Variants in PCDHGA1 observed in about 807,000 individuals in gnomAD.
PCDHGA1 encodes the protein protocadherin gamma subfamily A, 1.
PCDHGA1 carries 32 observed loss-of-function variants against 58.0 expected under a neutral mutation model. That is an observed-to-expected ratio of 0.55 (90% CI 0.42 to 0.74). PCDHGA1 has a LOEUF of 0.74. PCDHGA1 is among the 30% of genes least tolerant of loss of function. PCDHGA1 has a pLI of 0.00. For synonymous variants in PCDHGA1, 498 were observed against 501.1 expected (o/e 0.99, Z 0.08); for missense variants, 1,205 against 1,182.3 (o/e 1.02, Z -0.28).
intron 1 of PCDHGA1, among the ~76,000 whole-genome samples, chr5:141,470,417 T>A (rs1482173610): frequency 6.6e-6 from 1 of 152,226 alleles, no homozygotes; most frequent in East Asian, 1.9e-4. Context: ...ATTTTATGTA[T>A]TTTTTCCTTG....
intron 1 of PCDHGA1, chr5:141,475,890 G>C: frequency 1.8e-6 from 1 of 565,896 alleles, no homozygotes; most frequent in South Asian, 2.3e-5. Flanking sequence ...CTGGGACTCT[G>C]TGTGCCGCTG....
At position 141,384,265 on chromosome 5, in the gene PCDHGA1, T is replaced by C. The variant is rs553615154; in HGVS notation, c.2421+51160T>C. 81 of 1,613,814 alleles carry C rather than the reference T, an allele frequency of 5.0e-5. No individual in the cohort carries two copies. In the South Asian group the frequency reaches 7.4e-4, roughly 15 times the overall value. Reference sequence around the variant, plus strand: ...TAACCCACCCACCTTCCCCCACTCATCCTACTCAGTCTACATCGCTGAGAA... The same window carrying C: ...TAACCCACCCACCTTCCCCCACTCACCCTACTCAGTCTACATCGCTGAGAA... On this transcript the variant is annotated intron_variant, in intron 1 of 3. Coordinates refer to ENST00000517417, the MANE Select transcript of PCDHGA1 (RefSeq NM_018912.3).
At chr5:141,404,326 A>G in intron 1 of PCDHGA1, 2 of 1,613,904 alleles carry the variant, frequency 1.2e-6, no homozygotes, top group Non-Finnish European at 1.7e-6. Context: ...CCTCCTACTC[A>G]GTCTACCTCC....
Position 141,476,745 on chromosome 5 carries a change from T to C in PCDHGA1, c.2422-18062T>C, listed in dbSNP as rs1372622323. 6.2e-7 allele frequency: 1 copy of C among 1,613,958 alleles called. No individual in the cohort carries two copies. On this transcript the variant is annotated intron_variant, in intron 1 of 3. Coordinates refer to ENST00000517417, the MANE Select transcript of PCDHGA1 (RefSeq NM_018912.3). This position sits in a 1 kb window ranked among gnomAD's most constrained non-coding sequence, Gnocchi z 7.6. The stretch of plus-strand genomic sequence containing the variant: ...CTGGACCGAGAACGGGAGCCTAGTC[T>C]CCAGTTAGTGCTGACGGCGTTGGAC...
At chr5:141,448,748 G>A (rs1476665217) in intron 1 of PCDHGA1, among the ~76,000 whole-genome samples, 1 of 151,980 alleles carries the variant, frequency 6.6e-6, no homozygotes, top group Admixed American at 6.6e-5. Context: ...AGACCATCCT[G>A]GCTAACACGG....
At chr5:141,346,594 C>T in intron 1 of PCDHGA1, 1 of 1,309,508 alleles carries the variant, frequency 7.6e-7, no homozygotes, top group Non-Finnish European at 1.0e-6. Context: ...GTCCCCCTTT[C>T]TTTCTGGGCC....
intron 1 of PCDHGA1, chr5:141,365,905 G>A (rs539434078): frequency 1.2e-6 from 2 of 1,614,190 alleles, no homozygotes; most frequent in East Asian, 2.2e-5. Flanking sequence ...ATGAGCAGTT[G>A]AGAGACCTAC....
intron 1 of PCDHGA1, chr5:141,427,356 G>A (rs1295421809): frequency 8.7e-6 from 4 of 457,618 alleles, no homozygotes; most frequent in Non-Finnish European, 1.8e-5. Context: ...AACTGAGGAC[G>A]CAGAACCCTG....
intron 1 of PCDHGA1, among the ~76,000 whole-genome samples, chr5:141,337,447 G>T (rs1756682418): frequency 6.6e-6 from 1 of 152,152 alleles, no homozygotes; most frequent in South Asian, 2.1e-4. Flanking sequence ...GCCTTAAAAA[G>T]GAAGGGAATT....
chr5:141,467,476 G>C (rs114088806), intron 1 of PCDHGA1, among the ~76,000 whole-genome samples: 1,866 of 152,156 alleles, frequency 0.012, 41 homozygotes, highest in African/African-American at 0.043. Flanking sequence ...CATGGTTTTT[G>C]GTTTCCACAT....
chr5:141,376,127 G>A (rs1331529697), intron 1 of PCDHGA1: 4 of 1,613,828 alleles, frequency 2.5e-6, no homozygotes, highest in East Asian at 2.2e-5. Flanking sequence ...CGAGCCCTCC[G>A]CCAAACCCAA....
intron 1 of PCDHGA1, chr5:141,373,926 G>A: frequency 1.5e-6 from 1 of 662,052 alleles, no homozygotes; most frequent in Non-Finnish European, 2.3e-6. Flanking sequence ...AAATTAGACG[G>A]GAAAGCAGGA....
At chr5:141,370,783 C>G in intron 1 of PCDHGA1, 2 of 1,614,010 alleles carry the variant, frequency 1.2e-6, no homozygotes, top group African/African-American at 1.3e-5. Flanking sequence ...AACGACAACC[C>G]ACCGACCTTT....
chr5:141,364,220 C>A, intron 1 of PCDHGA1: 2 of 1,327,422 alleles, frequency 1.5e-6, no homozygotes, highest in South Asian at 3.3e-5. Context: ...CTACGAAAAG[C>A]CAACGCTCCA....
chr5:141,431,411 G>A lies in PCDHGA1; in HGVS notation c.2422-63396G>A. On this transcript the variant is annotated intron_variant, in intron 1 of 3. Coordinates refer to ENST00000517417, the MANE Select transcript of PCDHGA1 (RefSeq NM_018912.3). This position sits in a 1 kb window ranked among gnomAD's most constrained non-coding sequence, Gnocchi z 4.8. ...CCTGGTCCTTACGGCCTCCGACGGG[G>A]GCGACCCGGTGCGCACAGGCACCGC... 3 of 1,613,728 alleles carry A rather than the reference G, an allele frequency of 1.9e-6. No individual in the cohort carries two copies. The highest frequency in any genetic ancestry group is 2.5e-6 in the Non-Finnish European group (3 of 1,180,038).
At chr5:141,468,953 T>G (rs182999574) in intron 1 of PCDHGA1, among the ~76,000 whole-genome samples, 1,938 of 89,156 alleles carry the variant, frequency 0.022, 22 homozygotes, top group Non-Finnish European at 0.033. Flanking sequence ...AAACCTGTGG[T>G]TTTTTTTACC....
chr5:141,422,298 T>G, intron 1 of PCDHGA1: 1 of 1,549,054 alleles, frequency 6.5e-7, no homozygotes, highest in Non-Finnish European at 8.7e-7. Flanking sequence ...TTAATTCAAT[T>G]CTGGAAAACT....
chr5:141,360,930 A>T, intron 1 of PCDHGA1: 1 of 1,614,028 alleles, frequency 6.2e-7, no homozygotes, highest in East Asian at 2.2e-5. Flanking sequence ...TTCAAGTGAC[A>T]GCCACCGACC....
rs776330769 is a variant in PCDHGA1 at position 141,413,206 on chromosome 5, T to G, written c.2421+80101T>G. The stretch of plus-strand genomic sequence containing the variant: ...CGCTCAAAGGAATCGCTCAAAGGAA[T>G]CAAAGGATTGCAGCGGGCTGGTCCT... On this transcript the variant is annotated intron_variant, in intron 1 of 3. Transcript: ENST00000517417. 4.3e-6 allele frequency: 7 copies of G among 1,612,936 alleles called. 1 individual carries two copies. In the South Asian group the frequency reaches 7.7e-5, roughly 18 times the overall value.
Sources: allele counts gnomAD v4.1 joint callset (sites outside exome capture counted in the v4.1 genomes callset), GRCh38; gene constraint gnomAD v4.1.1; non-coding constraint Gnocchi (gnomAD v3.1); transcripts MANE v1.5; gene names NCBI Gene and HGNC (gene_info 2026-07-23, HGNC 2026-07-21).